Variants in TTC28 observed in about 807,000 individuals in gnomAD.
The protein encoded by TTC28 is tetratricopeptide repeat protein 28.
A neutral mutation model predicts 198.0 loss-of-function variants in TTC28; 61 were observed. The observed-to-expected ratio is 0.31, with a 90% CI of 0.25 to 0.38. The LOEUF is 0.38. Ranked by LOEUF, TTC28 falls within the 10% of genes least tolerant of loss-of-function variation. TTC28 has a pLI of 1.00. For synonymous variants in TTC28, 1,171 were observed against 1,297.8 expected (o/e 0.90, Z 2.10); for missense variants, 2,678 against 3,164.0 (o/e 0.85, Z 3.69).
intron 3 of TTC28, among the ~76,000 whole-genome samples, chr22:28,300,509 A>G (rs2044997173): frequency 1.3e-5 from 2 of 152,236 alleles, no homozygotes; most frequent in Admixed American, 6.5e-5. Flanking sequence ...AATGAAACTG[A>G]TGAAAGAGAA....
At chr22:28,236,273 G>A (rs1423520424) in intron 5 of TTC28, among the ~76,000 whole-genome samples, 1 of 152,138 alleles carries the variant, frequency 6.6e-6, no homozygotes, top group Non-Finnish European at 1.5e-5. Flanking sequence ...ACCCTCTTTT[G>A]AACTTTCATT....
intron 2 of TTC28, among the ~76,000 whole-genome samples, chr22:28,609,523 G>A (rs867275428): frequency 1.3e-5 from 2 of 152,212 alleles, no homozygotes; most frequent in African/African-American, 4.8e-5. Context: ...ATGAGGGGCT[G>A]TGAACAGTGG....
intron 21 of TTC28, among the ~76,000 whole-genome samples, chr22:27,988,730 C>T (rs1040566699): frequency 2.0e-5 from 3 of 152,144 alleles, no homozygotes. Flanking sequence ...GCATCACAGC[C>T]CACAGATCTG....
intron 6 of TTC28, among the ~76,000 whole-genome samples, chr22:28,151,167 T>A (rs1943599460): frequency 6.6e-6 from 1 of 152,234 alleles, no homozygotes; most frequent in Non-Finnish European, 1.5e-5. Context: ...CTGATCACCT[T>A]ATCTTCTTTA....
At chr22:28,432,664 T>C (rs1233122059) in intron 2 of TTC28, among the ~76,000 whole-genome samples, 1 of 152,208 alleles carries the variant, frequency 6.6e-6, no homozygotes, top group African/African-American at 2.4e-5. Context: ...ATGACAAGCA[T>C]ATGCAGTTAT....
chr22:28,563,344 A>C (rs2049921011), intron 2 of TTC28, among the ~76,000 whole-genome samples: 1 of 152,168 alleles, frequency 6.6e-6, no homozygotes, highest in Non-Finnish European at 1.5e-5. Context: ...ATATAAAATA[A>C]ATTTAAATCA....
At chr22:28,391,129 G>T (rs956756164) in intron 2 of TTC28, among the ~76,000 whole-genome samples, 1 of 152,046 alleles carries the variant, frequency 6.6e-6, no homozygotes, top group African/African-American at 2.4e-5. Flanking sequence ...ATGAAATTCT[G>T]GGTTGAAAAT....
intron 2 of TTC28, among the ~76,000 whole-genome samples, chr22:28,446,217 A>T (rs891980437): frequency 6.6e-6 from 1 of 151,866 alleles, no homozygotes; most frequent in Non-Finnish European, 1.5e-5. Flanking sequence ...CAGTGCCTGG[A>T]ACAGATACTG....
intron 12 of TTC28, among the ~76,000 whole-genome samples, chr22:28,086,644 G>A (rs942301864): frequency 1.3e-5 from 2 of 151,934 alleles, no homozygotes; most frequent in Admixed American, 6.6e-5. Flanking sequence ...GCTAGCAGAA[G>A]GCAAGAAATA....
At chr22:28,255,603 C>T (rs1043467068) in intron 5 of TTC28, among the ~76,000 whole-genome samples, 13 of 151,830 alleles carry the variant, frequency 8.6e-5, no homozygotes, top group African/African-American at 3.1e-4. Flanking sequence ...ATCACTTGAA[C>T]CCGGGAGGCA....
Position 28,632,253 on chromosome 22 carries a change from C to CTTTTTTTTTTT in TTC28, c.103-2434_103-2424dup, listed in dbSNP as rs765447917. ...ATATCAGTGTCCAAGTTATATTCAACTTTTTTTTTTTTTTTTTTTTTTTTT... is the reference window on the plus strand; with the variant it reads ...ATATCAGTGTCCAAGTTATATTCAACTTTTTTTTTTTTTTTTTTTTTTTTTTTTTTTTTTTT... On this transcript the variant is annotated intron_variant, in intron 1 of 22. Coordinates refer to ENST00000397906, the MANE Select transcript of TTC28 (RefSeq NM_001145418.2). Among the ~76,000 whole-genome samples, 7 of 49,700 alleles carry CTTTTTTTTTTT rather than the reference C, an allele frequency of 1.4e-4. 2 individuals carry two copies. The highest frequency in any genetic ancestry group is 1.8e-4 in the Non-Finnish European group (5 of 28,216). 32.6% of individuals were successfully genotyped at this position (49,700 alleles called of 152,430 possible).
rs1224295551 is a variant in TTC28, at chr22:27,993,432, G to A, written c.5331C>T (p.Gly1777=). 4 of 1,551,570 alleles carry A rather than the reference G, an allele frequency of 2.6e-6. No homozygotes were observed. Among genetic ancestry groups the A allele is most frequent in the Admixed American group, 2.0e-5 (1 of 51,010 alleles). Residue 1777 remains glycine, a synonymous_variant, in exon 18 of 23, where the codon GGC becomes GGT. Coordinates refer to ENST00000397906, the MANE Select transcript of TTC28 (RefSeq NM_001145418.2). ...TGAGGAGGGCCTGCCAGCCAGGGAT[G>A]CCGCCCACTTTGTTCTCCACACTCT... ...SQQSVENKVG[G]IPGWQALLTA... is the part of the protein sequence containing the mutation.
chr22:28,298,540 T>C (rs1413627627), intron 3 of TTC28, among the ~76,000 whole-genome samples: 2 of 152,102 alleles, frequency 1.3e-5, no homozygotes, highest in African/African-American at 2.4e-5. Context: ...CTCAACCTTC[T>C]AGACTCAAGT....
intron 12 of TTC28, among the ~76,000 whole-genome samples, chr22:28,055,885 ATG>A (rs1362560437): frequency 6.6e-6 from 1 of 151,990 alleles, no homozygotes; most frequent in Non-Finnish European, 1.5e-5. Context: ...CACCATTCTA[ATG>A]TGTTTATTGT....
chr22:28,099,680 T>A lies in TTC28; in HGVS notation c.3418-636A>T, dbSNP rs115128127. On this transcript the variant is annotated intron_variant, in intron 9 of 22. Coordinates refer to ENST00000397906, the MANE Select transcript of TTC28 (RefSeq NM_001145418.2). Reference sequence around the variant, plus strand: ...TAGAGACTTACGGTCTTAAAGATATTAAAACAGATATTAATCCACCAAGTG... The same window carrying A: ...TAGAGACTTACGGTCTTAAAGATATAAAAACAGATATTAATCCACCAAGTG... Among the ~76,000 whole-genome samples the A allele has an allele frequency of 2.4e-3, 362 of 152,302 alleles. 2 individuals carry two copies. Among genetic ancestry groups the A allele is most frequent in the African/African-American group, 8.2e-3 (342 of 41,568 alleles).
intron 2 of TTC28, among the ~76,000 whole-genome samples, chr22:28,500,260 T>G (rs980758299): frequency 6.6e-6 from 1 of 152,194 alleles, no homozygotes; most frequent in Non-Finnish European, 1.5e-5. Context: ...TGTGAACACT[T>G]CATATAAATC....
At chr22:28,576,439 G>GT (rs2050151565) in intron 2 of TTC28, among the ~76,000 whole-genome samples, 2 of 151,896 alleles carry the variant, frequency 1.3e-5, no homozygotes, top group Admixed American at 1.3e-4. Flanking sequence ...ACTCTGTAGG[G>GT]TTTGTTTGTT....
intron 1 of TTC28, among the ~76,000 whole-genome samples, chr22:28,655,774 C>T (rs2051636432): frequency 6.6e-6 from 1 of 151,890 alleles, no homozygotes; most frequent in Non-Finnish European, 1.5e-5. Flanking sequence ...TGGCGTGAAC[C>T]CGGGAGGCGG....
chr22:28,466,122 G>A lies in TTC28; in HGVS notation c.382-159479C>T, dbSNP rs146688219. Among the ~76,000 whole-genome samples, 28 of 152,260 alleles carry A rather than the reference G, an allele frequency of 1.8e-4. No homozygotes were observed. In the East Asian group the frequency reaches 4.6e-3, roughly 25 times the overall value. ...GAAGAAACGGAAGTGATTATTGGGG[G>A]AACAGCTAGCAATTTCTGCCACAGT... On this transcript the variant is annotated intron_variant, in intron 2 of 22. Transcript: ENST00000397906.
Sources: allele counts gnomAD v4.1 joint callset (sites outside exome capture counted in the v4.1 genomes callset), GRCh38; gene constraint gnomAD v4.1.1; transcripts MANE v1.5; gene names NCBI Gene and HGNC (gene_info 2026-07-23, HGNC 2026-07-21).